STEAP1B: variants seen among roughly 807,000 people sequenced by gnomAD.
STEAP1B encodes STEAP family protein MGC87042.
STEAP1B carries 13 observed loss-of-function variants against 27.9 expected under a neutral mutation model. That is an observed-to-expected ratio of 0.47 (90% confidence interval 0.30 to 0.74). STEAP1B has a LOEUF of 0.74. STEAP1B is among the 30% of genes least tolerant of loss of function. The probability of loss-of-function intolerance (pLI) is 0.06; values close to 1 mark genes in which losing one functional copy is unlikely to be tolerated. For missense variants in STEAP1B, 250 were observed against 298.7 expected (o/e 0.84, Z 1.20); for synonymous variants, 86 against 107.1 (o/e 0.80, Z 1.22).
chr7:22,426,561 A>T (rs1785110143), intron 4 of STEAP1B, among the ~76,000 whole-genome samples: 1 of 152,232 alleles, frequency 6.6e-6, no homozygotes, highest in Non-Finnish European at 1.5e-5. Context: ...TTCAGGGAAA[A>T]GGTAAATAAC....
chr7:22,427,782 T>C (rs149039137), intron 4 of STEAP1B, among the ~76,000 whole-genome samples: 16 of 152,302 alleles, frequency 1.1e-4, no homozygotes, highest in African/African-American at 3.8e-4. Flanking sequence ...TAATGTTCAA[T>C]CTTTGAAAAG....
chr7:22,480,346 C>A (rs1189829828), intron 4 of STEAP1B, among the ~76,000 whole-genome samples: 2 of 152,094 alleles, frequency 1.3e-5, no homozygotes, highest in Non-Finnish European at 2.9e-5. Flanking sequence ...TCCTGAGGAC[C>A]AACACTATTC....
chr7:22,453,636 T>C (rs1465500168), intron 4 of STEAP1B, among the ~76,000 whole-genome samples: 1 of 152,242 alleles, frequency 6.6e-6, no homozygotes, highest in East Asian at 1.9e-4. Flanking sequence ...TATATACCTA[T>C]GTAACAACCT....
At chr7:22,428,063 C>A (rs1269420029) in intron 4 of STEAP1B, among the ~76,000 whole-genome samples, 1 of 152,154 alleles carries the variant, frequency 6.6e-6, no homozygotes. Context: ...AGAATTGAGG[C>A]AAGAACTGGG....
intron 4 of STEAP1B, among the ~76,000 whole-genome samples, chr7:22,489,553 T>G (rs1786281280): frequency 6.6e-6 from 1 of 152,168 alleles, no homozygotes; most frequent in Non-Finnish European, 1.5e-5. Flanking sequence ...CCCACAGGAC[T>G]GGTTTCCTTA....
chr7:22,443,998 T>G (rs950564540), intron 4 of STEAP1B, among the ~76,000 whole-genome samples: 1 of 152,164 alleles, frequency 6.6e-6, no homozygotes, highest in Non-Finnish European at 1.5e-5. Context: ...TTTCTCCACA[T>G]CTGTGTGATA....
intron 4 of STEAP1B, among the ~76,000 whole-genome samples, chr7:22,435,403 G>A (rs917475644): frequency 6.6e-6 from 1 of 151,776 alleles, no homozygotes; most frequent in African/African-American, 2.4e-5. Flanking sequence ...GTGTCAAAAC[G>A]AAAATAAAAG....
intron 4 of STEAP1B, among the ~76,000 whole-genome samples, chr7:22,466,146 G>C (rs1434980726): frequency 6.6e-6 from 1 of 152,176 alleles, no homozygotes; most frequent in African/African-American, 2.4e-5. Flanking sequence ...TTGGCTCACA[G>C]TGCTAAAATA....
At chr7:22,429,327 T>C (rs1785149071) in intron 4 of STEAP1B, among the ~76,000 whole-genome samples, 1 of 152,126 alleles carries the variant, frequency 6.6e-6, no homozygotes, top group African/African-American at 2.4e-5. Flanking sequence ...TCAAAGGAGA[T>C]CACATTTCAC....
At chr7:22,459,372 T>G (rs1159485404) in intron 4 of STEAP1B, among the ~76,000 whole-genome samples, 5 of 152,228 alleles carry the variant, frequency 3.3e-5, no homozygotes, top group Admixed American at 3.3e-4. Context: ...TTCCTTGCAG[T>G]GTTTTGAATG....
intron 2 of STEAP1B, 32 bp downstream of exon 2, chr7:22,494,740 A>G (rs1328383328): frequency 7.4e-7 from 1 of 1,345,294 alleles, no homozygotes; most frequent in East Asian, 2.5e-5. Flanking sequence ...GATGTAAATT[A>G]TTATTTATTA....
intron 4 of STEAP1B, chr7:22,438,451 G>T: frequency 2.0e-6 from 3 of 1,529,642 alleles, no homozygotes; most frequent in Non-Finnish European, 2.6e-6. Flanking sequence ...TATGTAAGAT[G>T]TATGAGCAGG....
At chr7:22,463,056 T>G (rs1018147719) in intron 4 of STEAP1B, among the ~76,000 whole-genome samples, 1 of 152,236 alleles carries the variant, frequency 6.6e-6, no homozygotes, top group African/African-American at 2.4e-5. Flanking sequence ...GTTCATGTCC[T>G]TTGCCCACTT....
chr7:22,470,249 T>A (rs1048527013), intron 4 of STEAP1B, among the ~76,000 whole-genome samples: 14 of 152,148 alleles, frequency 9.2e-5, no homozygotes, highest in African/African-American at 3.4e-4. Flanking sequence ...ATATAAAGGA[T>A]GTAGCCGTAT....
chr7:22,463,765 G>A (rs1387994955), intron 4 of STEAP1B, among the ~76,000 whole-genome samples: 1 of 151,942 alleles, frequency 6.6e-6, no homozygotes, highest in Non-Finnish European at 1.5e-5. Context: ...GTAGAAAGCT[G>A]AAACTGGATC....
intron 4 of STEAP1B, chr7:22,492,319 CAAAA>C (rs56679156): frequency 0.033 from 1,819 of 54,462 alleles, 25 homozygotes; most frequent in Admixed American, 0.12. Flanking sequence ...ACTTCATCTC[CAAAA>C]AAAAAAAAAA....
At chr7:22,476,277 G>A (rs1785970565) in intron 4 of STEAP1B, among the ~76,000 whole-genome samples, 1 of 152,148 alleles carries the variant, frequency 6.6e-6, no homozygotes, top group Admixed American at 6.5e-5. Flanking sequence ...AATAGGGATG[G>A]TACCATGTTT....
chr7:22,438,519 G>A, intron 4 of STEAP1B: 2 of 1,551,270 alleles, frequency 1.3e-6, no homozygotes, highest in African/African-American at 2.7e-5. Flanking sequence ...GCAATAACTT[G>A]TCTTTTTTAT....
At chr7:22,494,591 G>A (rs1786405501) in intron 2 of STEAP1B, among the ~76,000 whole-genome samples, 181 bp downstream of exon 2, 1 of 152,094 alleles carries the variant, frequency 6.6e-6, no homozygotes, top group African/African-American at 2.4e-5. Context: ...ATCAGTGAAG[G>A]TACTATTTCT....
Sources: gnomAD v4.1 joint callset for allele counts (sites outside exome capture counted in the v4.1 genomes callset) on GRCh38, gnomAD v4.1.1 for gene constraint, MANE v1.5 for transcripts, NCBI Gene and HGNC (gene_info 2026-07-23, HGNC 2026-07-21) for gene names.